CMIP: variants seen among roughly 807,000 people sequenced by gnomAD.
CMIP encodes C-Maf-inducing protein.
A neutral mutation model predicts 97.3 loss-of-function variants in CMIP; 13 were observed. The observed-to-expected ratio is 0.13, with a 90% CI of 0.09 to 0.21. The LOEUF (loss-of-function observed/expected upper bound fraction) is 0.21, where lower values mean the gene tolerates loss of function less well. CMIP is among the 10% of genes least tolerant of loss of function. The pLI, the probability that CMIP is intolerant of heterozygous loss-of-function variation, is 1.00. For synonymous variants in CMIP, 538 were observed against 436.3 expected (o/e 1.23, Z -2.91); for missense variants, 847 against 1,024.9 (o/e 0.83, Z 2.37).
At chr16:81,668,108 T>C (rs1287395142) in intron 7 of CMIP, among the ~76,000 whole-genome samples, 3 of 152,092 alleles carry the variant, frequency 2.0e-5, no homozygotes, top group Non-Finnish European at 4.4e-5. Flanking sequence ...GAGGGGGGTC[T>C]CTATTTCTGT....
chr16:81,485,764 G>C (rs889098929), intron 1 of CMIP, among the ~76,000 whole-genome samples: 1 of 152,246 alleles, frequency 6.6e-6, no homozygotes, highest in Non-Finnish European at 1.5e-5. Flanking sequence ...ACAACCTGGT[G>C]AAATAGGTAG....
Position 81,445,265 on chromosome 16 carries a change from C to G in CMIP, c.24C>G (p.Gly8=). 6.5e-7 allele frequency: 1 copy of G among 1,529,622 alleles called. No homozygotes were observed. The highest frequency in any genetic ancestry group is 8.8e-7 in the Non-Finnish European group (1 of 1,140,868). 94.8% of individuals were successfully genotyped at this position (1,529,622 alleles called of 1,614,324 possible). Residue 8 remains glycine, a synonymous_variant, in exon 1 of 21, where the codon GGC becomes GGG. Transcript: ENST00000537098. MDVTSSS[G]GGGDPRQIEE... ...CCATGGATGTGACCAGCAGCTCGGG[C>G]GGCGGCGGCGACCCCCGGCAGATCG...
chr16:81,520,169 G>T (rs985365938), intron 1 of CMIP: 1 of 152,212 alleles, frequency 6.6e-6, no homozygotes, highest in Admixed American at 6.6e-5. Context: ...GTATAGCAAA[G>T]CGGCTGTGAG....
chr16:81,667,799 A>AGAGAGAGAGAGGGTGT, intron 7 of CMIP, among the ~76,000 whole-genome samples: 2 of 58,096 alleles, frequency 3.4e-5, no homozygotes, highest in Non-Finnish European at 3.2e-5. Flanking sequence ...AGAGAGAGAG[A>AGAGAGAGAGAGGGTGT]GTGTGTGTGT....
At chr16:81,694,406 G>A (rs1227359052) in intron 13 of CMIP, among the ~76,000 whole-genome samples, 1 of 152,204 alleles carries the variant, frequency 6.6e-6, no homozygotes, top group Non-Finnish European at 1.5e-5. Context: ...AGGCTTCCTG[G>A]AGAAGGTGGT....
At chr16:81,598,129 C>T (rs2091593876) in intron 1 of CMIP, among the ~76,000 whole-genome samples, 1 of 152,042 alleles carries the variant, frequency 6.6e-6, no homozygotes, top group South Asian at 2.1e-4. Context: ...GATGAATGTG[C>T]TCGGGAAGAA....
intron 1 of CMIP, among the ~76,000 whole-genome samples, chr16:81,537,702 G>T (rs1459806196): frequency 6.9e-6 from 1 of 144,734 alleles, no homozygotes; most frequent in Non-Finnish European, 1.5e-5. Context: ...GCCCATCTCT[G>T]TTGAAAGAAA....
chr16:81,672,570 G>A (rs2092692632), intron 9 of CMIP, among the ~76,000 whole-genome samples: 1 of 152,070 alleles, frequency 6.6e-6, no homozygotes, highest in African/African-American at 2.4e-5. Context: ...TGATTTGCAT[G>A]GTTTTATTTT....
chr16:81,547,906 G>A (rs2090578286), intron 1 of CMIP, among the ~76,000 whole-genome samples: 2 of 152,140 alleles, frequency 1.3e-5, no homozygotes, highest in South Asian at 2.1e-4. Flanking sequence ...AGCCAGGCAG[G>A]CCTCTTCAGC....
chr16:81,566,556 G>C (rs550053200), intron 1 of CMIP, among the ~76,000 whole-genome samples: 17 of 152,164 alleles, frequency 1.1e-4, no homozygotes, highest in African/African-American at 3.9e-4. Context: ...TCATATTCAA[G>C]GAGGCCTTCC....
chr16:81,496,034 C>T (rs2089484775), intron 1 of CMIP, among the ~76,000 whole-genome samples: 1 of 152,146 alleles, frequency 6.6e-6, no homozygotes, highest in Admixed American at 6.5e-5. Context: ...GAAGGGAGAG[C>T]AAGTGAGCCA....
chr16:81,541,472 C>T (rs541969860), intron 1 of CMIP, among the ~76,000 whole-genome samples: 113 of 152,284 alleles, frequency 7.4e-4, no homozygotes, highest in Non-Finnish European at 1.3e-3. Context: ...GTGCCCCAGG[C>T]TGGTAGGATG....
chr16:81,687,030 A>G (rs547019468), intron 10 of CMIP, among the ~76,000 whole-genome samples: 68 of 152,290 alleles, frequency 4.5e-4, no homozygotes, highest in African/African-American at 1.6e-3. Context: ...CTCCTGCCCC[A>G]GTGCAAGCCA....
At chr16:81,467,427 G>A (rs1907270656) in intron 1 of CMIP, among the ~76,000 whole-genome samples, 1 of 152,060 alleles carries the variant, frequency 6.6e-6, no homozygotes, top group Non-Finnish European at 1.5e-5. Context: ...TCTTTACCCC[G>A]TAAAGGCCTC....
intron 1 of CMIP, among the ~76,000 whole-genome samples, chr16:81,566,522 G>T (rs2090986658): frequency 6.6e-6 from 1 of 152,280 alleles, no homozygotes; most frequent in South Asian, 2.1e-4. Context: ...GTGACTCTGG[G>T]TATATTACTA....
At chr16:81,680,007 T>G (rs1041514056) in intron 10 of CMIP, among the ~76,000 whole-genome samples, 8 of 151,808 alleles carry the variant, frequency 5.3e-5, no homozygotes, top group African/African-American at 1.9e-4. Context: ...CTCTCAGGAG[T>G]TTTGAATCCA....
intron 3 of CMIP, among the ~76,000 whole-genome samples, chr16:81,626,450 AGTGTGT>A (rs72237457): frequency 1.4e-5 from 2 of 142,030 alleles, no homozygotes; most frequent in Non-Finnish European, 3.0e-5. Context: ...CTATCTTATG[AGTGTGT>A]GTGTGTATGT....
chr16:81,698,097 G>C (rs2151091270), intron 14 of CMIP: 1 of 151,806 alleles, frequency 6.6e-6, no homozygotes, highest in African/African-American at 2.4e-5. Flanking sequence ...TGCCAGAGCT[G>C]TTCATGATGG....
At chr16:81,705,628 G>T (rs543633373) in intron 19 of CMIP, 24 bp downstream of exon 19, 11 of 1,487,012 alleles carry the variant, frequency 7.4e-6, no homozygotes, top group East Asian at 7.1e-5. Context: ...GGGCAGCTGG[G>T]GGGTGAGGGG....
Sources: allele counts gnomAD v4.1 joint callset (sites outside exome capture counted in the v4.1 genomes callset), GRCh38; gene constraint gnomAD v4.1.1; transcripts MANE v1.5; gene names NCBI Gene and HGNC (gene_info 2026-07-23, HGNC 2026-07-21).